PLOD3: variants seen among roughly 807,000 people sequenced by gnomAD.
The protein encoded by PLOD3 is procollagen-lysine,2-oxoglutarate 5-dioxygenase 3.
PLOD3 carries 73 observed loss-of-function variants against 96.9 expected under a neutral mutation model. The observed-to-expected ratio is 0.75, with a 90% CI of 0.62 to 0.92. The LOEUF (loss-of-function observed/expected upper bound fraction) is 0.92. Ranked by LOEUF, PLOD3 falls within the 40% of genes least tolerant of loss-of-function variation. The probability of loss-of-function intolerance (pLI) is 0.00; values close to 1 mark genes in which losing one functional copy is unlikely to be tolerated. For synonymous variants in PLOD3, 454 were observed against 413.7 expected, an observed-to-expected ratio of 1.10 and a Z score of -1.18; for missense variants, 1,004 against 1,004.3, an observed-to-expected ratio of 1.00 and a Z score of 0.00.
Position 101,207,601 on chromosome 7 carries a change from G to A in PLOD3, c.1912C>T (p.Leu638=), listed in dbSNP as rs137991909. The A allele has an allele frequency of 5.0e-6, 8 of 1,613,956 alleles. No individual in the cohort carries two copies. In the African/African-American group the frequency reaches 9.3e-5, roughly 19 times the overall value. ...ACCTTGGTGTGGTAACCGGGAAACA[G>A]GCTCTCGGTCATGGGGCCCACATAC... The part of the protein sequence containing the change: ...RTYVGPMTES[L]FPGYHTKARA... Residue 638 remains leucine (L), a synonymous_variant, in exon 17 of 19, where the codon CTG becomes TTG. Coordinates refer to ENST00000223127, the MANE Select transcript of PLOD3 (RefSeq NM_001084.5).
At position 101,217,483 on chromosome 7, in the gene PLOD3, G is replaced by A. The variant is rs941534359; in HGVS notation, c.-209C>T. The stretch of plus-strand genomic sequence containing the variant: ...GATGCCGGCGCCACAGACAAGGCGA[G>A]GATTGTCCCGGGCGCACGGGAGGCG... On this transcript the variant is annotated 5_prime_UTR_variant, in exon 1 of 19. Transcript: ENST00000223127. The A allele has an allele frequency of 2.1e-4, 111 of 523,760 alleles. No individual in the cohort carries two copies. The highest frequency in any genetic ancestry group is 5.0e-4 in the Middle Eastern group (1 of 2,014). 32.4% of individuals were successfully genotyped at this position (523,760 alleles called of 1,614,324 possible).
chr7:101,213,156 A>G lies in PLOD3; in HGVS notation c.728T>C (p.Val243Ala). 6.2e-7 allele frequency: 1 copy of G among 1,613,902 alleles called. No homozygotes were observed. The highest frequency in any genetic ancestry group is 1.1e-5 in the South Asian group (1 of 91,074). ...FDRNRVRIRN[V>A]AYDTLPIVVH... ...CACAATGGGGAGCGTGTCGTAGGCCACGTTCCGGATACGCACACGGTTCCG... is the reference window on the plus strand; with the variant it reads ...CACAATGGGGAGCGTGTCGTAGGCCGCGTTCCGGATACGCACACGGTTCCG... The change falls in exon 7 of 19, where the codon GTG (valine) becomes GCG (alanine). Residue 243 changes from valine to alanine, a missense_variant. By Grantham distance (64) the Val-to-Ala change is moderately conservative. This residue lies in a region of PLOD3 where 690 missense variants were observed against 650.2 expected (regional missense o/e 1.06). Coordinates refer to ENST00000223127, the MANE Select transcript of PLOD3 (RefSeq NM_001084.5).
In PLOD3 at chr7:101,210,340, G is replaced by T; in HGVS notation, c.1605C>A (p.Asp535Glu). ...HLHPDLWQIF[D>E]NPVDWKEQYI... ...TGGGGTCCCCACTCACGACGGGGTT[G>T]TCGAAGATCTGCCAGAGGTCGGGGT... Residue 535 changes from aspartate (D) to glutamate (E), a missense_variant, in exon 14 of 19, where the codon GAC becomes GAA. Around this residue, in one of 5 missense-constraint regions of PLOD3, gnomAD observed 65 missense variants for 68.8 expected, o/e 0.94. Transcript: ENST00000223127. 1 of 1,613,836 alleles carries T rather than the reference G, an allele frequency of 6.2e-7. No individual in the cohort carries two copies. Among genetic ancestry groups the T allele is most frequent in the Non-Finnish European group, 8.5e-7 (1 of 1,179,698 alleles).
In PLOD3 at chr7:101,216,607, C is replaced by T. The variant is rs1334199059; in HGVS notation, c.202-61G>A. 8 of 1,612,052 alleles carry T rather than the reference C, an allele frequency of 5.0e-6. No homozygotes were observed. The East Asian group carries it at 1.6e-4, about 31-fold the overall frequency. Reference sequence around the variant, plus strand: ...GGGGAGTTGTGGGGGGAACTCCTGACCAGGCTTACCGTGGGGACCTGGGCA... The same window carrying T: ...GGGGAGTTGTGGGGGGAACTCCTGATCAGGCTTACCGTGGGGACCTGGGCA... On this transcript the variant is annotated intron_variant, in intron 2 of 18. Coordinates refer to ENST00000223127, the MANE Select transcript of PLOD3 (RefSeq NM_001084.5).
rs1386485093 is a variant in PLOD3, at chr7:101,217,220, G to A, written c.55C>T (p.Pro19Ser). 4.0e-6 allele frequency: 6 copies of A among 1,502,678 alleles called. No homozygotes were observed. Among genetic ancestry groups the A allele is most frequent in the African/African-American group, 1.4e-5 (1 of 70,314 alleles). 93.1% of individuals were successfully genotyped at this position (1,502,678 alleles called of 1,614,324 possible). Residue 19 changes from proline (P) to serine (S), a missense_variant, in exon 1 of 19, where the codon CCC becomes TCC. By Grantham distance (74) the Pro-to-Ser change is moderately conservative. Transcript: ENST00000223127. ...RFLLLLPLLL[P>S]PAASASDRPR... ...CGGTCGGAGGCTGAGGCCGCAGGGG[G>A]CAGCAGCAGCGGCAGCAGCAGCAGG... is the stretch of plus-strand genomic sequence containing the variant.
chr7:101,206,161 C>G lies in PLOD3; in HGVS notation c.*120G>C, dbSNP rs552485005. On this transcript the variant is annotated 3_prime_UTR_variant, in exon 19 of 19. Coordinates refer to ENST00000223127, the MANE Select transcript of PLOD3 (RefSeq NM_001084.5). ...CAAGGTGACATATTCAGTTCAGGCA[C>G]GCGGAACATGAACTCAGGAAGTGGG... The G allele has an allele frequency of 2.8e-6, 3 of 1,056,218 alleles. No individual in the cohort carries two copies. The highest frequency in any genetic ancestry group is 4.4e-6 in the Non-Finnish European group (3 of 674,864). The allele number at this position is 1,056,218 out of a possible 1,614,324, so 65.4% of individuals were successfully genotyped here.
chr7:101,217,568 C>A lies in PLOD3; in HGVS notation c.-294G>T. ...GACAGGGACTCTGGGCTGAGCCAGC[C>A]GCTTGACACATGTGGAAGCTGAAAC... On this transcript the variant is annotated 5_prime_UTR_variant, in exon 1 of 19. Transcript: ENST00000223127. The A allele has an allele frequency of 6.4e-6, 3 of 472,116 alleles. No homozygotes were observed. In the South Asian group the frequency reaches 7.7e-5, roughly 12 times the overall value. The allele number at this position is 472,116 out of a possible 1,614,324, so 29.2% of individuals were successfully genotyped here.
rs776216662 is a variant in PLOD3, at chr7:101,211,908, G to A, written c.1170C>T (p.Ser390=). The A allele has an allele frequency of 1.2e-6, 2 of 1,611,728 alleles. No homozygotes were observed. The highest frequency in any genetic ancestry group is 2.2e-5 in the South Asian group (2 of 90,566). The change falls in exon 11 of 19, where the codon AGC becomes AGT. Residue 390 remains serine (S), a synonymous_variant. Coordinates refer to ENST00000223127, the MANE Select transcript of PLOD3 (RefSeq NM_001084.5). The stretch of plus-strand genomic sequence containing the variant: ...TGGTGAGGACAGCGTCGGCGTCCAG[G>A]CTGAAGTAGAACTCACACTCGGGGT... ...RQDPECEFYF[S]LDADAVLTNL... is the part of the protein sequence containing the mutation.
At chr7:101,210,947 C>G in intron 12 of PLOD3, 1 of 435,398 alleles carries the variant, frequency 2.3e-6, no homozygotes, top group South Asian at 2.3e-5. Flanking sequence ...GTGGTGTGAT[C>G]TTGGCTCACT....
At chr7:101,214,186 G>A (rs1172315701) in intron 6 of PLOD3, among the ~76,000 whole-genome samples, 5 of 151,694 alleles carry the variant, frequency 3.3e-5, no homozygotes, top group Non-Finnish European at 7.4e-5. Flanking sequence ...GAGTGCAGTG[G>A]CGCAATCTCG....
intron 11 of PLOD3, 27 bp from the exon 12 acceptor site, chr7:101,211,743 G>C: frequency 6.3e-7 from 1 of 1,598,134 alleles, no homozygotes; most frequent in Non-Finnish European, 8.5e-7. Context: ...GTGAGGGCTG[G>C]GCAGACGGGA....
intron 6 of PLOD3, chr7:101,213,461 A>G (rs1798219851): frequency 5.5e-6 from 3 of 541,316 alleles, no homozygotes; most frequent in African/African-American, 3.8e-5. Context: ...GGAGGCCAGT[A>G]GGAGCCTCAG....
At chr7:101,209,877 C>G (rs1225232704) in intron 15 of PLOD3, 4 of 542,604 alleles carry the variant, frequency 7.4e-6, no homozygotes, top group South Asian at 2.7e-5. Context: ...AAGCATAACA[C>G]CAGTATACCC....
chr7:101,207,511 G>C, intron 17 of PLOD3, 67 bp downstream of exon 17: 6 of 1,544,264 alleles, frequency 3.9e-6, no homozygotes, highest in Non-Finnish European at 4.5e-6. Context: ...AGGGGTCTGC[G>C]TGGAGACTTC....
chr7:101,211,737 G>A (rs1212787954), intron 11 of PLOD3, 21 bp from the exon 12 acceptor site: 1 of 1,599,312 alleles, frequency 6.3e-7, no homozygotes, highest in South Asian at 1.1e-5. Flanking sequence ...GTGGGGGTGA[G>A]GGCTGGGCAG....
At position 101,214,965 on chromosome 7, in the gene PLOD3, C is replaced by T. The variant is rs1018994557; in HGVS notation, c.679+124G>A. On this transcript the variant is annotated intron_variant, in intron 6 of 18. Coordinates refer to ENST00000223127, the MANE Select transcript of PLOD3 (RefSeq NM_001084.5). ...CAACTTACACAACCAGCCACTCAGA[C>T]GCCTGACAAAACCACATAGAGGTGG... is the stretch of plus-strand genomic sequence containing the variant. The T allele has an allele frequency of 1.6e-5, 13 of 795,184 alleles. No individual in the cohort carries two copies. The East Asian group carries it at 1.7e-4, about 10-fold the overall frequency. 49.3% of individuals were successfully genotyped at this position (795,184 alleles called of 1,614,324 possible). A position where few individuals can be genotyped will look rare whatever the true frequency, so the allele number is the denominator to read the frequency against.
chr7:101,210,486 G>T lies in PLOD3; in HGVS notation c.1501-42C>A, dbSNP rs200207390. ...GTGTCCGTGATGCAGGCGATGCCTGGAGTCTGGGGGACTGCCCCCAGGCCA... is the reference window on the plus strand; with the variant it reads ...GTGTCCGTGATGCAGGCGATGCCTGTAGTCTGGGGGACTGCCCCCAGGCCA... On this transcript the variant is annotated intron_variant, in intron 13 of 18. Coordinates refer to ENST00000223127, the MANE Select transcript of PLOD3 (RefSeq NM_001084.5). 1,391 of 1,613,904 alleles carry T rather than the reference G, an allele frequency of 8.6e-4. 13 individuals carry two copies. The African/African-American group carries it at 0.015, about 17-fold the overall frequency.
Position 101,210,041 on chromosome 7 carries a change from G to A in PLOD3, c.1683+52C>T, listed in dbSNP as rs563634637. 111 of 1,106,910 alleles carry A rather than the reference G, an allele frequency of 1.0e-4. 2 individuals are homozygous for A. In the South Asian group the frequency reaches 1.5e-3, roughly 15 times the overall value. 68.6% of individuals were successfully genotyped at this position (1,106,910 alleles called of 1,614,324 possible). ...TTTGAATCCAGGCGGGGGCCCCCAA[G>A]AGGCGATGGCCATGAGGGCAGGGGG... On this transcript the variant is annotated intron_variant, in intron 15 of 18. Coordinates refer to ENST00000223127, the MANE Select transcript of PLOD3 (RefSeq NM_001084.5).
chr7:101,216,592 G>A (rs749031016), intron 2 of PLOD3, 46 bp from the exon 3 acceptor site: 3 of 1,612,502 alleles, frequency 1.9e-6, no homozygotes, highest in South Asian at 1.1e-5. Context: ...GGGGAGTTGT[G>A]GGGGGAACTC....
Sources: allele counts gnomAD v4.1 joint callset (sites outside exome capture counted in the v4.1 genomes callset), GRCh38; gene constraint gnomAD v4.1.1; regional missense constraint gnomAD v4.1.1; transcripts MANE v1.5; gene names NCBI Gene and HGNC (gene_info 2026-07-23, HGNC 2026-07-21).